FNDC1: variants seen among roughly 807,000 people sequenced by gnomAD.
The protein encoded by FNDC1 is fibronectin type III domain containing 1.
A neutral mutation model predicts 168.0 loss-of-function variants in FNDC1; 96 were observed. That is an observed-to-expected ratio of 0.57 (90% confidence interval 0.48 to 0.68). FNDC1 has a LOEUF of 0.68. Among genes scored for constraint, FNDC1 ranks in the 30% least tolerant of loss-of-function variants. The pLI, the probability that FNDC1 is intolerant of heterozygous loss-of-function variation, is 0.00. For missense variants in FNDC1, 2,587 were observed against 2,482.1 expected (o/e 1.04, Z -0.90); for synonymous variants, 1,099 against 1,025.9 (o/e 1.07, Z -1.36).
chr6:159,224,438 A>T (rs755244701), intron 7 of FNDC1, among the ~76,000 whole-genome samples: 2 of 152,216 alleles, frequency 1.3e-5, no homozygotes, highest in Admixed American at 1.3e-4. Context: ...GCAACCAAGA[A>T]AGGGGAATAT....
Position 159,231,468 on chromosome 6 carries a change from T to C in FNDC1, c.1370-414T>C, listed in dbSNP as rs1783081550. On this transcript the variant is annotated intron_variant, in intron 10 of 22. Transcript: ENST00000297267. Reference sequence around the variant, plus strand: ...ATTATTCAGCAATTTGCACCAGGTGTATTCATGTTTCTTGTCTATTAAGGA... The same window carrying C: ...ATTATTCAGCAATTTGCACCAGGTGCATTCATGTTTCTTGTCTATTAAGGA... 2.0e-5 allele frequency among the ~76,000 whole-genome samples: 3 copies of C among 152,228 alleles called. No individual in the cohort carries two copies. The South Asian group carries it at 6.2e-4, about 32-fold the overall frequency.
chr6:159,225,429 T>C (rs1046850127), intron 7 of FNDC1, 106 bp from the exon 8 acceptor site: 1 of 873,482 alleles, frequency 1.1e-6, no homozygotes, highest in Non-Finnish European at 1.7e-6. Context: ...TTGATTTTCT[T>C]ACTTACCTCC....
intron 15 of FNDC1, among the ~76,000 whole-genome samples, chr6:159,248,603 CA>C (rs941853656): frequency 2.0e-4 from 30 of 150,948 alleles, no homozygotes; most frequent in African/African-American, 6.6e-4. Flanking sequence ...CACACCTGGC[CA>C]AAAAAAAATT....
intron 6 of FNDC1, 53 bp downstream of exon 6, chr6:159,221,749 G>A (rs1782830300): frequency 7.5e-7 from 1 of 1,328,708 alleles, no homozygotes; most frequent in East Asian, 2.3e-5. Flanking sequence ...TGAATGCTAT[G>A]TTGTTTCCAA....
intron 8 of FNDC1, among the ~76,000 whole-genome samples, chr6:159,226,087 T>C (rs1365418146): frequency 6.6e-6 from 1 of 152,148 alleles, no homozygotes; most frequent in East Asian, 1.9e-4. Flanking sequence ...GAGGCTGAGG[T>C]TGCATTTGAT....
At chr6:159,252,366 A>G (rs1236965834) in intron 17 of FNDC1, among the ~76,000 whole-genome samples, 1 of 152,194 alleles carries the variant, frequency 6.6e-6, no homozygotes, top group East Asian at 1.9e-4. Flanking sequence ...CGCACAATTC[A>G]AAATTTCTAG....
intron 17 of FNDC1, among the ~76,000 whole-genome samples, chr6:159,256,158 C>T (rs1777367267): frequency 6.6e-6 from 1 of 152,180 alleles, no homozygotes; most frequent in Admixed American, 6.5e-5. Flanking sequence ...ACTATCTTAC[C>T]CGGAAGTTCT....
chr6:159,210,420 C>A (rs1003497578), intron 4 of FNDC1, among the ~76,000 whole-genome samples: 7 of 152,174 alleles, frequency 4.6e-5, no homozygotes, highest in African/African-American at 1.7e-4. Context: ...GATTGGGTGC[C>A]TTCAAGGATG....
chr6:159,176,433 G>T (rs939938752), intron 1 of FNDC1, among the ~76,000 whole-genome samples: 1 of 152,222 alleles, frequency 6.6e-6, no homozygotes, highest in African/African-American at 2.4e-5. Flanking sequence ...TAGCACAGGT[G>T]TTTTGAGGGT....
chr6:159,212,555 T>G (rs1419655884), intron 4 of FNDC1, among the ~76,000 whole-genome samples: 1 of 152,216 alleles, frequency 6.6e-6, no homozygotes, highest in Non-Finnish European at 1.5e-5. Flanking sequence ...TTGGTTTTTC[T>G]AAACCCAAAG....
chr6:159,231,875 G>A lies in FNDC1; in HGVS notation c.1370-7G>A. On this transcript the variant is annotated splice_region_variant and splice_polypyrimidine_tract_variant and intron_variant, in intron 10 of 22. Coordinates refer to ENST00000297267, the MANE Select transcript of FNDC1 (RefSeq NM_032532.3). ...TTTGACAGGCAATTCTTTAAAATCT[G>A]TTGCAGCCAGTAAGGCGGATGTTGA... 1.3e-6 allele frequency: 2 copies of A among 1,578,002 alleles called. No homozygotes were observed. Among genetic ancestry groups the A allele is most frequent in the East Asian group, 2.2e-5 (1 of 44,580 alleles).
chr6:159,216,094 T>C (rs780917855), intron 5 of FNDC1, among the ~76,000 whole-genome samples: 48 of 152,242 alleles, frequency 3.2e-4, no homozygotes, highest in Non-Finnish European at 5.9e-4. Flanking sequence ...CCCGAGTAGC[T>C]GGGACTACAG....
chr6:159,193,885 A>G (rs1035201996), intron 1 of FNDC1, among the ~76,000 whole-genome samples: 3 of 152,186 alleles, frequency 2.0e-5, no homozygotes, highest in Admixed American at 2.0e-4. Context: ...CATATTCCCC[A>G]TGGGAGCTAT....
At chr6:159,223,499 C>A (rs1782881227) in intron 6 of FNDC1, 29 bp from the exon 7 acceptor site, 1 of 1,459,266 alleles carries the variant, frequency 6.9e-7, no homozygotes, top group Non-Finnish European at 9.6e-7. Context: ...TGAGAGAAAG[C>A]CTTTCTCTGG....
intron 4 of FNDC1, among the ~76,000 whole-genome samples, chr6:159,202,102 G>A (rs1025358268): frequency 1.3e-5 from 2 of 152,098 alleles, no homozygotes; most frequent in Non-Finnish European, 2.9e-5. Flanking sequence ...GGCCCTGGTT[G>A]CCAAACCACT....
chr6:159,263,150 C>CT (rs1777521210), intron 19 of FNDC1, among the ~76,000 whole-genome samples: 2 of 152,142 alleles, frequency 1.3e-5, no homozygotes, highest in East Asian at 1.9e-4. Context: ...GTATTTGGGA[C>CT]TTTTTTGGCA....
intron 1 of FNDC1, among the ~76,000 whole-genome samples, chr6:159,173,038 T>G (rs1583845174): frequency 6.6e-6 from 1 of 152,246 alleles, no homozygotes; most frequent in African/African-American, 2.4e-5. Flanking sequence ...TTTATTATTG[T>G]TTTTTAAAAT....
chr6:159,190,495 GGCCGGTTGCTCTCT>G (rs1206177276), intron 1 of FNDC1, among the ~76,000 whole-genome samples: 2 of 152,228 alleles, frequency 1.3e-5, no homozygotes, highest in African/African-American at 4.8e-5. Context: ...GTGAGGTCTA[GGCCGGTTGCTCTCT>G]GTCCACAGCT....
intron 12 of FNDC1, among the ~76,000 whole-genome samples, chr6:159,237,871 G>A (rs1783300201): frequency 6.6e-6 from 1 of 152,120 alleles, no homozygotes; most frequent in Non-Finnish European, 1.5e-5. Flanking sequence ...CATATACGTA[G>A]AACGTATGTA....
Sources: allele counts gnomAD v4.1 joint callset (sites outside exome capture counted in the v4.1 genomes callset), GRCh38; gene constraint gnomAD v4.1.1; transcripts MANE v1.5; gene names NCBI Gene and HGNC (gene_info 2026-07-23, HGNC 2026-07-21).